The following SCHIP1 variants were observed in gnomAD, a reference collection of about 807,000 sequenced individuals.
SCHIP1 encodes schwannomin interacting protein 1.
SCHIP1 carries 8 observed loss-of-function variants against 29.7 expected under a neutral mutation model. The ratio of observed to expected loss-of-function variants is 0.27; its 90% CI spans 0.16 to 0.49. The LOEUF is 0.49. Among genes scored for constraint, SCHIP1 ranks in the 20% least tolerant of loss-of-function variants. The probability of loss-of-function intolerance (pLI) is 0.99; values close to 1 mark genes in which losing one functional copy is unlikely to be tolerated. For synonymous variants in SCHIP1, 76 were observed against 94.9 expected (o/e 0.80, Z 1.16); for missense variants, 193 against 294.6 (o/e 0.66, Z 2.52).
At chr3:159,673,563 A>G in the SCHIP1 span, among the ~76,000 whole-genome samples, 1 of 152,264 alleles carries the variant, frequency 6.6e-6, no homozygotes, top group Non-Finnish European at 1.5e-5. Flanking sequence ...GAACTTTGGA[A>G]AGTTCTCATG....
At chr3:159,649,710 T>C in the SCHIP1 span, among the ~76,000 whole-genome samples, 1 of 152,194 alleles carries the variant, frequency 6.6e-6, no homozygotes, top group East Asian at 1.9e-4. Flanking sequence ...CTACATCATA[T>C]GGAAGATTGA....
At chr3:159,615,292 G>A in the SCHIP1 span, among the ~76,000 whole-genome samples, 2 of 152,320 alleles carry the variant, frequency 1.3e-5, no homozygotes, top group South Asian at 2.1e-4. Flanking sequence ...ACTTAAACAA[G>A]TTTGTACTTT....
At chr3:159,590,006 T>C in the SCHIP1 span, among the ~76,000 whole-genome samples, 12 of 152,302 alleles carry the variant, frequency 7.9e-5, 1 homozygote, top group South Asian at 2.5e-3. Context: ...AATTTTTTAA[T>C]ATATGTCCCA....
chr3:159,417,660 T>C, the SCHIP1 span, among the ~76,000 whole-genome samples: 1 of 152,204 alleles, frequency 6.6e-6, no homozygotes, highest in Non-Finnish European at 1.5e-5. Context: ...ATGGCCCTAA[T>C]TCTTCACTCC....
the SCHIP1 span, among the ~76,000 whole-genome samples, chr3:159,296,631 T>G: frequency 6.6e-6 from 1 of 152,024 alleles, no homozygotes; most frequent in Non-Finnish European, 1.5e-5. Context: ...AAAACTTAGC[T>G]GGGCATGGTG....
the SCHIP1 span, among the ~76,000 whole-genome samples, chr3:159,719,642 C>G: frequency 6.6e-6 from 1 of 152,200 alleles, no homozygotes; most frequent in Non-Finnish European, 1.5e-5. Flanking sequence ...AAATGCTCAT[C>G]ATCACTGGCC....
At chr3:159,684,553 C>A in the SCHIP1 span, among the ~76,000 whole-genome samples, 1 of 152,008 alleles carries the variant, frequency 6.6e-6, no homozygotes, top group African/African-American at 2.4e-5. Context: ...TGCCTGTAAT[C>A]CCAGCACTTT....
chr3:159,569,865 T>C, the SCHIP1 span, among the ~76,000 whole-genome samples: 3 of 152,224 alleles, frequency 2.0e-5, no homozygotes, highest in Non-Finnish European at 2.9e-5. Context: ...CCATTCTAAC[T>C]GGCATGAGAT....
the SCHIP1 span, among the ~76,000 whole-genome samples, chr3:159,815,558 C>T: frequency 3.5e-4 from 53 of 152,166 alleles, no homozygotes; most frequent in African/African-American, 1.2e-3. Context: ...GTGATGTCGC[C>T]CATTAACAAC....
At chr3:159,664,555 GT>G in the SCHIP1 span, among the ~76,000 whole-genome samples, 2 of 152,026 alleles carry the variant, frequency 1.3e-5, no homozygotes, top group Non-Finnish European at 2.9e-5. Context: ...GTTCAATAGA[GT>G]TTTCCTAATT....
chr3:159,429,887 C>A, the SCHIP1 span, among the ~76,000 whole-genome samples: 2 of 152,108 alleles, frequency 1.3e-5, no homozygotes, highest in Non-Finnish European at 2.9e-5. Flanking sequence ...GATTTATTTA[C>A]TAAACTGTCA....
chr3:159,813,971 G>A, the SCHIP1 span, among the ~76,000 whole-genome samples: 1 of 152,120 alleles, frequency 6.6e-6, no homozygotes, highest in Admixed American at 6.5e-5. Flanking sequence ...TGGGAAACAC[G>A]CCCTGAGCAA....
At chr3:159,561,310 AT>A in the SCHIP1 span, among the ~76,000 whole-genome samples, 1 of 152,188 alleles carries the variant, frequency 6.6e-6, no homozygotes, top group African/African-American at 2.4e-5. Flanking sequence ...CTAATGAAAA[AT>A]TTACTTTTCC....
the SCHIP1 span, among the ~76,000 whole-genome samples, chr3:159,362,248 T>C: frequency 6.6e-6 from 1 of 152,088 alleles, no homozygotes; most frequent in Non-Finnish European, 1.5e-5. Flanking sequence ...CTCTGTCAAA[T>C]GGTGAATGTA....
the SCHIP1 span, among the ~76,000 whole-genome samples, chr3:159,720,824 A>G: frequency 5.9e-5 from 9 of 152,144 alleles, no homozygotes; most frequent in Non-Finnish European, 8.8e-5. Context: ...ACCTCAGGTG[A>G]TCTGCCCGCC....
chr3:159,387,096 T>C, the SCHIP1 span: 1 of 178,170 alleles, frequency 5.6e-6, no homozygotes, highest in Non-Finnish European at 1.2e-5. Context: ...CAAGGAATGA[T>C]GTGGAGCATA....
chr3:159,788,876 G>T, the SCHIP1 span, among the ~76,000 whole-genome samples: 4 of 152,064 alleles, frequency 2.6e-5, no homozygotes, highest in Admixed American at 2.6e-4. Context: ...TTGAGCATCT[G>T]TAATTAAAAA....
At chr3:159,481,379 A>C in the SCHIP1 span, among the ~76,000 whole-genome samples, 1 of 152,182 alleles carries the variant, frequency 6.6e-6, no homozygotes, top group Non-Finnish European at 1.5e-5. Flanking sequence ...ACTAAGATAG[A>C]GTGAATTAAG....
At chr3:159,614,677 G>A in the SCHIP1 span, among the ~76,000 whole-genome samples, 5,204 of 152,254 alleles carry the variant, frequency 0.034, 284 homozygotes, top group African/African-American at 0.11. Flanking sequence ...AAAGGCAATT[G>A]CGTAGTTTAA....
Sources: allele counts gnomAD v4.1 joint callset (sites outside exome capture counted in the v4.1 genomes callset), GRCh38; gene constraint gnomAD v4.1.1; transcripts MANE v1.5; gene names NCBI Gene and HGNC (gene_info 2026-07-23, HGNC 2026-07-21).